The following KIAA1217 variants were observed in gnomAD, a reference collection of about 807,000 sequenced individuals.
KIAA1217 encodes KIAA1217.
In KIAA1217, 88 loss-of-function variants were observed where a neutral mutation model predicts 163.9. The ratio of observed to expected loss-of-function variants is 0.54; its 90% CI spans 0.45 to 0.64. KIAA1217 has a LOEUF of 0.64. Ranked by LOEUF, KIAA1217 falls within the 30% of genes least tolerant of loss-of-function variation. KIAA1217 has a pLI of 0.00. For synonymous variants in KIAA1217, 903 were observed against 923.1 expected (o/e 0.98, Z 0.39); for missense variants, 2,372 against 2,475.0 (o/e 0.96, Z 0.88).
Position 24,543,738 on chromosome 10 carries a change from G to T in KIAA1217, c.4468G>T (p.Asp1490Tyr), listed in dbSNP as rs2075378667. ...IEEEEEEENGDSVVQNNNTSQ... is the reference protein window; with the variant it reads ...IEEEEEEENGYSVVQNNNTSQ... ...GGAGGAGGAAGAGGAGGAAAATGGG[G>T]ATTCTGTAGTCCAGAATAATAACAC... Residue 1490 changes from aspartate (D) to tyrosine (Y), a missense_variant, in exon 19 of 21, where the codon GAT (aspartate) becomes TAT (tyrosine). By Grantham distance (160) the Asp-to-Tyr change is radical (BLOSUM62 -3). This residue lies in a region of KIAA1217 where 690 missense variants were observed against 677.5 expected (regional missense o/e 1.02). Coordinates refer to ENST00000376454, the MANE Select transcript of KIAA1217 (RefSeq NM_019590.5). 6.2e-7 allele frequency: 1 copy of T among 1,613,622 alleles called. No homozygotes were observed. Among genetic ancestry groups the T allele is most frequent in the African/African-American group, 1.3e-5 (1 of 74,992 alleles).
chr10:24,307,103 G>C (rs149520045), intron 2 of KIAA1217, among the ~76,000 whole-genome samples: 16 of 152,280 alleles, frequency 1.1e-4, no homozygotes, highest in African/African-American at 3.6e-4. Context: ...CTCCATCACA[G>C]AAGGTTCCTT....
At chr10:24,290,705 C>T (rs535972103) in intron 2 of KIAA1217, among the ~76,000 whole-genome samples, 2 of 151,326 alleles carry the variant, frequency 1.3e-5, no homozygotes, top group South Asian at 4.2e-4. Context: ...CAGATTCAAG[C>T]GATTCTCCTG....
At chr10:24,168,988 G>C (rs913045661) in intron 2 of KIAA1217, among the ~76,000 whole-genome samples, 5 of 152,216 alleles carry the variant, frequency 3.3e-5, no homozygotes, top group African/African-American at 1.2e-4. Context: ...GGTCATTCAA[G>C]TGCATAATTC....
chr10:24,520,710 G>A (rs1465574007), intron 11 of KIAA1217, among the ~76,000 whole-genome samples: 1 of 117,156 alleles, frequency 8.5e-6, no homozygotes, highest in African/African-American at 3.3e-5. Flanking sequence ...GCCAGGTGTG[G>A]TGGTGCATGC....
chr10:23,941,153 T>G (rs1167045967), intron 1 of KIAA1217, among the ~76,000 whole-genome samples: 1 of 152,344 alleles, frequency 6.6e-6, no homozygotes, highest in South Asian at 2.1e-4. Flanking sequence ...TTAACTATGG[T>G]TGTTCAGACA....
intron 2 of KIAA1217, among the ~76,000 whole-genome samples, chr10:24,258,921 C>T (rs551478704): frequency 5.3e-5 from 8 of 152,242 alleles, no homozygotes; most frequent in African/African-American, 1.9e-4. Context: ...CCCACAGCTG[C>T]CTGTTGACCT....
intron 2 of KIAA1217, among the ~76,000 whole-genome samples, chr10:24,109,159 A>G (rs12248537): frequency 0.049 from 7,498 of 152,184 alleles, 542 homozygotes; most frequent in African/African-American, 0.16. Flanking sequence ...ATTTCACTTT[A>G]TTTGTCACTC....
chr10:24,301,842 C>T (rs776343543), intron 2 of KIAA1217, among the ~76,000 whole-genome samples: 2 of 151,936 alleles, frequency 1.3e-5, no homozygotes, highest in African/African-American at 2.4e-5. Context: ...GTCAGGAGTT[C>T]GAGACCAGCC....
At chr10:24,348,809 G>A (rs1057291688) in intron 2 of KIAA1217, among the ~76,000 whole-genome samples, 2 of 152,062 alleles carry the variant, frequency 1.3e-5, no homozygotes, top group African/African-American at 2.4e-5. Context: ...AGTAGATAGC[G>A]TTCTGAGCAA....
At chr10:24,283,572 A>G (rs993131938) in intron 2 of KIAA1217, among the ~76,000 whole-genome samples, 3 of 152,052 alleles carry the variant, frequency 2.0e-5, no homozygotes, top group African/African-American at 7.2e-5. Flanking sequence ...GAGGCCGAGC[A>G]TGAGAATCAC....
At chr10:24,071,971 C>G (rs1434365631) in intron 2 of KIAA1217, among the ~76,000 whole-genome samples, 1 of 151,868 alleles carries the variant, frequency 6.6e-6, no homozygotes, top group East Asian at 1.9e-4. Context: ...AAGTACTTCC[C>G]CAGCTTTATT....
chr10:24,355,475 A>G (rs1475903879), intron 2 of KIAA1217, among the ~76,000 whole-genome samples: 1 of 152,112 alleles, frequency 6.6e-6, no homozygotes, highest in Non-Finnish European at 1.5e-5. Flanking sequence ...TGGCAGAAAG[A>G]AAGCATCTGT....
intron 3 of KIAA1217, among the ~76,000 whole-genome samples, chr10:24,404,649 G>A (rs11014082): frequency 6.7e-6 from 1 of 148,222 alleles, no homozygotes; most frequent in African/African-American, 2.5e-5. Context: ...ATTTATCTCA[G>A]ACAAATGAAA....
At chr10:24,356,471 G>C (rs1249859537) in intron 2 of KIAA1217, among the ~76,000 whole-genome samples, 7 of 152,136 alleles carry the variant, frequency 4.6e-5, no homozygotes, top group Non-Finnish European at 1.5e-5. Flanking sequence ...ATAACCTTGT[G>C]GGGGAGACCT....
intron 1 of KIAA1217, among the ~76,000 whole-genome samples, chr10:23,717,803 C>G (rs1009479205): frequency 2.0e-4 from 30 of 152,158 alleles, no homozygotes; most frequent in Admixed American, 6.6e-5. Context: ...GATGAAAAAA[C>G]TATCAGTGAC....
At chr10:24,545,576 A>C (rs2075648089) in intron 20 of KIAA1217, 2 of 1,366,414 alleles carry the variant, frequency 1.5e-6, no homozygotes, top group Admixed American at 3.5e-5. Flanking sequence ...GAAATGGTAG[A>C]GCTGGAATGA....
intron 2 of KIAA1217, among the ~76,000 whole-genome samples, chr10:24,244,047 G>A (rs958735983): frequency 2.0e-5 from 3 of 152,136 alleles, no homozygotes; most frequent in African/African-American, 2.4e-5. Context: ...TTACTTGCTC[G>A]TAGCACAGGC....
At position 24,546,175 on chromosome 10, in the gene KIAA1217, T is replaced by C. The variant is rs756787715; in HGVS notation, c.5683T>C (p.Ser1895Pro). The C allele has an allele frequency of 6.2e-7, 1 of 1,614,102 alleles. No homozygotes were observed. The highest frequency in any genetic ancestry group is 1.7e-5 in the Admixed American group (1 of 59,998). The part of the protein sequence containing the change: ...GRAPPPLSFS[S>P]SPPSPASSVS... ...AGCACCCCCTCCTTTGTCATTTTCCTCCTCCCCTCCTTCTCCTGCCTCCTC... is the reference window on the plus strand; with the variant it reads ...AGCACCCCCTCCTTTGTCATTTTCCCCCTCCCCTCCTTCTCCTGCCTCCTC... Residue 1895 changes from serine to proline, a missense_variant, in exon 21 of 21, where the codon TCC (serine) becomes CCC (proline). Around this residue, in one of 3 missense-constraint regions of KIAA1217, gnomAD observed 690 missense variants for 677.5 expected, o/e 1.02. Coordinates refer to ENST00000376454, the MANE Select transcript of KIAA1217 (RefSeq NM_019590.5).
At chr10:24,125,182 G>A (rs955658186) in intron 2 of KIAA1217, among the ~76,000 whole-genome samples, 8 of 152,198 alleles carry the variant, frequency 5.3e-5, no homozygotes, top group Non-Finnish European at 1.0e-4. Context: ...TAAGGCAGGA[G>A]AATTGCTTGA....
Sources: gnomAD v4.1 joint callset for allele counts (sites outside exome capture counted in the v4.1 genomes callset) on GRCh38, gnomAD v4.1.1 for gene constraint, gnomAD v4.1.1 regional missense constraint, MANE v1.5 for transcripts, NCBI Gene and HGNC (gene_info 2026-07-23, HGNC 2026-07-21) for gene names.